EPM2A: variants seen among roughly 807,000 people sequenced by gnomAD.
EPM2A encodes laforin.
A neutral mutation model predicts 26.5 loss-of-function variants in EPM2A; 21 were observed. The ratio of observed to expected loss-of-function variants is 0.79; its 90% CI spans 0.56 to 1.14. The LOEUF (loss-of-function observed/expected upper bound fraction) is 1.14, where lower values mean the gene tolerates loss of function less well. Ranked by LOEUF, EPM2A falls within the 50% of genes most tolerant of loss-of-function variation. The probability of loss-of-function intolerance (pLI) is 0.00; values close to 1 mark genes in which losing one functional copy is unlikely to be tolerated. For missense variants in EPM2A, 458 were observed against 440.8 expected, an observed-to-expected ratio of 1.04 and a Z score of -0.35; for synonymous variants, 217 against 177.6, an observed-to-expected ratio of 1.22 and a Z score of -1.76.
intron 2 of EPM2A, among the ~76,000 whole-genome samples, chr6:145,683,133 C>A (rs1780659092): frequency 6.6e-6 from 1 of 152,038 alleles, no homozygotes; most frequent in African/African-American, 2.4e-5. Context: ...GTGAATTATG[C>A]TGGAATTTTT....
chr6:145,459,271 C>T (rs1050677865), intron 4 of EPM2A, among the ~76,000 whole-genome samples: 3 of 152,042 alleles, frequency 2.0e-5, no homozygotes, highest in Non-Finnish European at 4.4e-5. Flanking sequence ...AGGCTGAGGC[C>T]TAGTTGAGAA....
At chr6:145,615,194 G>A (rs1775480137) in intron 2 of EPM2A, among the ~76,000 whole-genome samples, 1 of 152,132 alleles carries the variant, frequency 6.6e-6, no homozygotes, top group African/African-American at 2.4e-5. Context: ...GAACCCAGTG[G>A]GAGGTAACTG....
chr6:145,456,662 T>A (rs778988420), intron 4 of EPM2A, among the ~76,000 whole-genome samples: 45 of 152,030 alleles, frequency 3.0e-4, no homozygotes, highest in Non-Finnish European at 5.1e-4. Flanking sequence ...GAGGAAAAAA[T>A]TAAGAGGAAT....
chr6:145,699,062 TA>T (rs1191560780), intron 1 of EPM2A, among the ~76,000 whole-genome samples: 1 of 152,212 alleles, frequency 6.6e-6, no homozygotes, highest in African/African-American at 2.4e-5. Context: ...CCTAGCAGAC[TA>T]ATACACTCAT....
chr6:145,650,838 T>G (rs1777834753), intron 2 of EPM2A, among the ~76,000 whole-genome samples: 1 of 152,180 alleles, frequency 6.6e-6, no homozygotes, highest in Non-Finnish European at 1.5e-5. Context: ...TACCTAAAAT[T>G]CTGATAACCA....
At chr6:145,541,346 GTA>G (rs35986160) in intron 2 of EPM2A, among the ~76,000 whole-genome samples, 14 of 148,312 alleles carry the variant, frequency 9.4e-5, no homozygotes, top group Admixed American at 3.4e-4. Context: ...ATGTGTGTGT[GTA>G]TATATATATA....
At position 145,439,316 on chromosome 6, in the gene EPM2A, G is replaced by A. The variant is rs1364846446; in HGVS notation, c.556-55219C>T. Among the ~76,000 whole-genome samples, 6 of 152,160 alleles carry A rather than the reference G, an allele frequency of 3.9e-5. No individual in the cohort carries two copies. The South Asian group carries it at 1.0e-3, about 26-fold the overall frequency. ...TGGAAGAAGAATTTATATCCCTTTG[G>A]ATATATACCCAGTAGTGAGATTGCT... On this transcript the variant is annotated intron_variant, in intron 4 of 4. Coordinates refer to the EPM2A transcript ENST00000638717.
intron 2 of EPM2A, among the ~76,000 whole-genome samples, chr6:145,557,345 A>G (rs1780740959): frequency 6.6e-6 from 1 of 152,042 alleles, no homozygotes; most frequent in African/African-American, 2.4e-5. Context: ...CCAGACCACC[A>G]CTATGCAATA....
intron 1 of EPM2A, 103 bp from the exon 2 acceptor site, chr6:145,686,399 T>A: frequency 1.1e-6 from 1 of 869,888 alleles, no homozygotes; most frequent in East Asian, 2.6e-5. Context: ...AAAATAAACA[T>A]AAAGCTACTT....
At chr6:145,535,253 A>C (rs1272640010) in intron 2 of EPM2A, among the ~76,000 whole-genome samples, 2 of 152,232 alleles carry the variant, frequency 1.3e-5, no homozygotes, top group African/African-American at 4.8e-5. Flanking sequence ...AAATGGACAA[A>C]CTAAAAGTTG....
At chr6:145,724,546 G>A (rs1487729393) in intron 1 of EPM2A, among the ~76,000 whole-genome samples, 3 of 151,958 alleles carry the variant, frequency 2.0e-5, no homozygotes, top group Admixed American at 6.6e-5. Flanking sequence ...ACCAACAAGA[G>A]CCAACACAAT....
chr6:145,513,454 T>G (rs929556364), intron 2 of EPM2A, among the ~76,000 whole-genome samples: 1 of 152,340 alleles, frequency 6.6e-6, no homozygotes, highest in African/African-American at 2.4e-5. Context: ...TTGGTGGGAA[T>G]GTAAATTAGT....
At chr6:145,541,170 T>C (rs1262214244) in intron 2 of EPM2A, among the ~76,000 whole-genome samples, 1 of 77,894 alleles carries the variant, frequency 1.3e-5, no homozygotes, top group Non-Finnish European at 2.7e-5. Flanking sequence ...TTTGGGAATA[T>C]ATATATCTGT....
chr6:145,397,887 G>A (rs1465880206), intron 4 of EPM2A, among the ~76,000 whole-genome samples: 3 of 152,102 alleles, frequency 2.0e-5, no homozygotes, highest in Non-Finnish European at 4.4e-5. Context: ...TTAGGCCCAA[G>A]GAAAGACAAC....
At chr6:145,576,526 C>T (rs140005123) in intron 2 of EPM2A, among the ~76,000 whole-genome samples, 375 of 152,292 alleles carry the variant, frequency 2.5e-3, no homozygotes, top group Admixed American at 4.0e-3. Flanking sequence ...TAGAAACTCT[C>T]AACTTAGAAT....
At chr6:145,385,437 T>C (rs371576173) in intron 4 of EPM2A, among the ~76,000 whole-genome samples, 10 of 152,158 alleles carry the variant, frequency 6.6e-5, no homozygotes, top group African/African-American at 2.4e-4. Context: ...ACCAAAGCTT[T>C]AGAGTATTCT....
At position 145,678,553 on chromosome 6, in the gene EPM2A, G is replaced by GA. The variant is rs201687657; in HGVS notation, c.476+7568dup. 4.1e-3 allele frequency among the ~76,000 whole-genome samples: 626 copies of GA among 152,032 alleles called. 18 individuals are homozygous for GA. The East Asian group carries it at 0.07, about 17-fold the overall frequency. ...ACAAAGAACTTAAACAAATATACAA[G>GA]AAAAAAACGAACAACCCCATCAAAA... On this transcript the variant is annotated intron_variant, in intron 2 of 3. Transcript: ENST00000367519.
intron 2 of EPM2A, among the ~76,000 whole-genome samples, chr6:145,528,094 G>A (rs559428894): frequency 8.5e-5 from 13 of 152,240 alleles, no homozygotes; most frequent in Admixed American, 2.0e-4. Flanking sequence ...GGCTGCAAGC[G>A]GTGAGAAAGC....
chr6:145,516,392 T>C (rs1780127954), intron 2 of EPM2A, among the ~76,000 whole-genome samples: 1 of 152,176 alleles, frequency 6.6e-6, no homozygotes, highest in Admixed American at 6.5e-5. Flanking sequence ...TCTGAGGACC[T>C]AGATGTCAAG....
Sources: gnomAD v4.1 joint callset for allele counts (sites outside exome capture counted in the v4.1 genomes callset) on GRCh38, gnomAD v4.1.1 for gene constraint, MANE v1.5 for transcripts, NCBI Gene and HGNC (gene_info 2026-07-23, HGNC 2026-07-21) for gene names.